The following CACNA1B variants were observed in gnomAD, a reference collection of about 807,000 sequenced individuals.
CACNA1B encodes voltage-dependent N-type calcium channel subunit alpha-1B.
Under a neutral mutation model 247.2 loss-of-function variants are expected in CACNA1B, and 70 were observed. The ratio of observed to expected loss-of-function variants is 0.28; its 90% CI spans 0.23 to 0.35. The LOEUF is 0.35. Ranked by LOEUF, CACNA1B falls within the 10% of genes least tolerant of loss-of-function variation. The pLI, the probability that CACNA1B is intolerant of heterozygous loss-of-function variation, is 1.00. For missense variants in CACNA1B, 2,367 were observed against 3,197.4 expected (o/e 0.74, Z 6.26); for synonymous variants, 1,231 against 1,294.4 (o/e 0.95, Z 1.05).
intron 3 of CACNA1B, chr9:137,892,036 T>C (rs1312153998): frequency 2.2e-6 from 1 of 457,256 alleles, no homozygotes; most frequent in South Asian, 1.5e-5. Flanking sequence ...GCGGCCTCTG[T>C]GTCTTCTCCA....
chr9:138,078,218 A>G lies in CACNA1B; in HGVS notation c.5054A>G (p.Tyr1685Cys). The G allele has an allele frequency of 1.2e-6, 2 of 1,613,814 alleles. No individual in the cohort carries two copies. The highest frequency in any genetic ancestry group is 8.5e-7 in the Non-Finnish European group (1 of 1,179,870). Reference sequence around the variant, plus strand: ...ACCGAGTGTGGAAGTGACTTTGCCTACTTCTACTTCGTCTCCTTCATCTTC... The same window carrying G: ...ACCGAGTGTGGAAGTGACTTTGCCTGCTTCTACTTCGTCTCCTTCATCTTC... ...NATECGSDFA[Y>C]FYFVSFIFLC... is the part of the protein sequence containing the mutation. Residue 1685 changes from tyrosine to cysteine, a missense_variant, in exon 36 of 47, where the codon TAC (tyrosine) becomes TGC (cysteine). By Grantham distance (194) the Tyr-to-Cys change is radical (BLOSUM62 -2). Transcript: ENST00000371372.
intron 36 of CACNA1B, among the ~76,000 whole-genome samples, chr9:138,079,090 C>T (rs1960426180): frequency 1.3e-5 from 2 of 152,184 alleles, no homozygotes; most frequent in African/African-American, 4.8e-5. Flanking sequence ...AAGCTTAGTG[C>T]AGTGACCTGC....
chr9:138,082,693 A>G (rs1265350720), intron 36 of CACNA1B, among the ~76,000 whole-genome samples: 2 of 151,414 alleles, frequency 1.3e-5, no homozygotes, highest in African/African-American at 2.4e-5. Flanking sequence ...CTACAACTCA[A>G]CAACAAAAAT....
chr9:137,899,503 C>G lies in CACNA1B; in HGVS notation c.531-13677C>G, dbSNP rs756250076. On this transcript the variant is annotated intron_variant, in intron 3 of 46. Coordinates refer to ENST00000371372, the MANE Select transcript of CACNA1B (RefSeq NM_000718.4). This position sits in a 1 kb window ranked among gnomAD's most constrained non-coding sequence, Gnocchi z 5.0. Reference sequence around the variant, plus strand: ...CGTGTGTGTGCTTGGGGTTGGGGTTCCCCGCATGCCATGCCTAGCTCTTCT... The same window carrying G: ...CGTGTGTGTGCTTGGGGTTGGGGTTGCCCGCATGCCATGCCTAGCTCTTCT... 6.6e-6 allele frequency among the ~76,000 whole-genome samples: 1 copy of G among 152,150 alleles called. No individual in the cohort carries two copies. The highest frequency in any genetic ancestry group is 1.5e-5 in the Non-Finnish European group (1 of 68,028).
chr9:138,113,168 G>T (rs1489975806), intron 40 of CACNA1B, among the ~76,000 whole-genome samples: 2 of 142,800 alleles, frequency 1.4e-5, no homozygotes, highest in African/African-American at 2.6e-5. Context: ...CATCTTATGG[G>T]AACGTGAGGG....
intron 36 of CACNA1B, among the ~76,000 whole-genome samples, chr9:138,091,653 A>G (rs1214407019): frequency 6.6e-6 from 1 of 152,232 alleles, no homozygotes; most frequent in African/African-American, 2.4e-5. Flanking sequence ...TCAAAATATT[A>G]TACTGTACCC....
chr9:138,041,205 A>G (rs1257836367), intron 20 of CACNA1B, among the ~76,000 whole-genome samples: 2 of 152,096 alleles, frequency 1.3e-5, no homozygotes, highest in African/African-American at 2.4e-5. Flanking sequence ...GATGATTCCT[A>G]TTCAGCTTCC....
At position 137,880,186 on chromosome 9, in the gene CACNA1B, G is replaced by T. The variant is rs551064534; in HGVS notation, c.390+1027G>T. Among the ~76,000 whole-genome samples, 31 of 152,032 alleles carry T rather than the reference G, an allele frequency of 2.0e-4. 1 individual carries two copies. The South Asian group carries it at 6.5e-3, about 32-fold the overall frequency. On this transcript the variant is annotated intron_variant, in intron 2 of 46. Coordinates refer to ENST00000371372, the MANE Select transcript of CACNA1B (RefSeq NM_000718.4). This position sits in a 1 kb window ranked among gnomAD's most constrained non-coding sequence, Gnocchi z 4.8. ...CCCAGGAGTGCAGAAGGGGAGACAG[G>T]GAGCCTGTCCTGGAGGTGAGGCACC...
rs1959265804 is a variant in CACNA1B at position 138,051,270 on chromosome 9, G to C, written c.3711-822G>C. ...GCGTCCCTGACAGGTAGAGGCAGCT[G>C]CCTGGGTCTGTCCTGGCTTTTTCTT... On this transcript the variant is annotated intron_variant, in intron 24 of 46. Transcript: ENST00000371372. This position sits in a 1 kb window ranked among gnomAD's most constrained non-coding sequence, Gnocchi z 4.3. 6.6e-6 allele frequency among the ~76,000 whole-genome samples: 1 copy of C among 152,020 alleles called. No individual in the cohort carries two copies. The highest frequency in any genetic ancestry group is 6.5e-5 in the Admixed American group (1 of 15,272).
chr9:138,114,534 C>T (rs200497590), intron 41 of CACNA1B, 44 bp downstream of exon 41: 17 of 996,324 alleles, frequency 1.7e-5, no homozygotes, highest in South Asian at 5.5e-5. Flanking sequence ...GTGATGCCTC[C>T]GAGGCTCTGG....
At chr9:137,903,799 A>C (rs1411824211) in intron 3 of CACNA1B, among the ~76,000 whole-genome samples, 1 of 152,004 alleles carries the variant, frequency 6.6e-6, no homozygotes, top group African/African-American at 2.4e-5. Context: ...AGTCACCTGC[A>C]CTGTTAAAGC....
chr9:138,071,594 C>T (rs1463565838), intron 32 of CACNA1B, among the ~76,000 whole-genome samples: 5 of 152,160 alleles, frequency 3.3e-5, no homozygotes, highest in East Asian at 1.9e-4. Context: ...ACAGGAGCCC[C>T]GAGAGAAGCC....
chr9:138,081,724 T>C (rs765284957), intron 36 of CACNA1B, among the ~76,000 whole-genome samples: 6 of 151,188 alleles, frequency 4.0e-5, no homozygotes, highest in Non-Finnish European at 8.8e-5. Context: ...AATGGAGGTC[T>C]AGAGATGTTA....
rs148963069 is a variant in CACNA1B, at chr9:137,938,987, C to T, written c.967-13287C>T. 3.9e-4 allele frequency among the ~76,000 whole-genome samples: 60 copies of T among 152,070 alleles called. No individual in the cohort carries two copies. In the East Asian group the frequency reaches 8.5e-3, roughly 22 times the overall value. On this transcript the variant is annotated intron_variant, in intron 6 of 46. Transcript: ENST00000371372. ...TTGGGAGGCTGAGGCAGGAGAATGG[C>T]GTGAACCCAGAGGTGGAGGTTGCAG...
At position 138,027,290 on chromosome 9, in the gene CACNA1B, C is replaced by T. The variant is rs189865613; in HGVS notation, c.3286+2118C>T. 3.3e-5 allele frequency among the ~76,000 whole-genome samples: 5 copies of T among 152,284 alleles called. No individual in the cohort carries two copies. The East Asian group carries it at 9.6e-4, about 29-fold the overall frequency. On this transcript the variant is annotated intron_variant, in intron 20 of 46. Transcript: ENST00000371372. ...ACTGATTGTCTGGTCCCTATTATTACTTCTACTAGAAACAGAAATCTAGGC... is the reference window on the plus strand; with the variant it reads ...ACTGATTGTCTGGTCCCTATTATTATTTCTACTAGAAACAGAAATCTAGGC...
chr9:138,066,178 A>G (rs1245694827), intron 31 of CACNA1B, among the ~76,000 whole-genome samples: 1 of 152,190 alleles, frequency 6.6e-6, no homozygotes, highest in Non-Finnish European at 1.5e-5. Context: ...GGGAGCTCTG[A>G]GGGTAGTGTG....
At chr9:137,997,801 G>GT (rs1309592959) in intron 15 of CACNA1B, among the ~76,000 whole-genome samples, 1 of 152,164 alleles carries the variant, frequency 6.6e-6, no homozygotes, top group African/African-American at 2.4e-5. Context: ...GCCAGGTATA[G>GT]TTTTTTGCCC....
At chr9:138,028,823 C>T (rs1442759524) in intron 20 of CACNA1B, among the ~76,000 whole-genome samples, 2 of 152,194 alleles carry the variant, frequency 1.3e-5, no homozygotes, top group Non-Finnish European at 2.9e-5. Flanking sequence ...CTCTGATTGG[C>T]TGAGGCAAGT....
chr9:138,114,115 G>A (rs1300900906), intron 40 of CACNA1B, among the ~76,000 whole-genome samples: 1 of 152,198 alleles, frequency 6.6e-6, no homozygotes, highest in Non-Finnish European at 1.5e-5. Context: ...GGTGGGGATG[G>A]CCTCAGCCCG....
Sources: gnomAD v4.1 joint callset for allele counts (sites outside exome capture counted in the v4.1 genomes callset) on GRCh38, gnomAD v4.1.1 for gene constraint, Gnocchi (gnomAD v3.1) non-coding constraint, MANE v1.5 for transcripts, NCBI Gene and HGNC (gene_info 2026-07-23, HGNC 2026-07-21) for gene names.